Variants in SOX5 observed in about 807,000 individuals in gnomAD.
SOX5 encodes SRY-box transcription factor 5, also known as transcription factor SOX-5.
A neutral mutation model predicts 92.0 loss-of-function variants in SOX5; 9 were observed. That is an observed-to-expected ratio of 0.10 (90% CI 0.06 to 0.17). The LOEUF is 0.17. Among genes scored for constraint, SOX5 ranks in the 10% least tolerant of loss-of-function variants. SOX5 has a pLI of 1.00. For missense variants in SOX5, 642 were observed against 944.5 expected (o/e 0.68, Z 4.20); for synonymous variants, 344 against 336.3 (o/e 1.02, Z -0.25).
intron 1 of SOX5, among the ~76,000 whole-genome samples, chr12:24,390,198 C>T (rs1318355989): frequency 6.6e-6 from 1 of 152,102 alleles, no homozygotes; most frequent in East Asian, 1.9e-4. Context: ...TGTCAAGGTC[C>T]TTCCAATTAT....
chr12:24,203,142 C>A (rs911638644), intron 4 of SOX5, among the ~76,000 whole-genome samples: 1 of 152,134 alleles, frequency 6.6e-6, no homozygotes, highest in Non-Finnish European at 1.5e-5. Flanking sequence ...TCAATACTTT[C>A]TTACAACCTT....
At chr12:24,043,444 T>C (rs528086713) in intron 4 of SOX5, among the ~76,000 whole-genome samples, 1 of 152,202 alleles carries the variant, frequency 6.6e-6, no homozygotes, top group African/African-American at 2.4e-5. Flanking sequence ...ATACAATAAA[T>C]ATATATGCTA....
intron 8 of SOX5, among the ~76,000 whole-genome samples, chr12:23,609,407 CAG>C (rs1383508897): frequency 6.6e-6 from 1 of 152,140 alleles, no homozygotes; most frequent in Non-Finnish European, 1.5e-5. Context: ...CAACATTTAA[CAG>C]TGATAATGCT....
intron 2 of SOX5, among the ~76,000 whole-genome samples, chr12:24,328,108 A>T (rs1163277917): frequency 1.3e-5 from 2 of 152,220 alleles, no homozygotes; most frequent in Non-Finnish European, 2.9e-5. Context: ...ATAAAACCTA[A>T]GTCAGATTCA....
intron 4 of SOX5, among the ~76,000 whole-genome samples, chr12:24,064,313 C>T (rs1940274295): frequency 6.6e-6 from 1 of 152,168 alleles, no homozygotes; most frequent in African/African-American, 2.4e-5. Context: ...CACTGTAATG[C>T]AATACGGCAA....
chr12:23,599,066 A>G (rs867243744), intron 9 of SOX5, among the ~76,000 whole-genome samples: 14 of 152,244 alleles, frequency 9.2e-5, no homozygotes, highest in Non-Finnish European at 2.1e-4. Context: ...TTTACTTGAT[A>G]GCGTGAAACT....
rs59471227 is a variant in SOX5 at position 23,690,415 on chromosome 12, C to T, written c.811-24851G>A. On this transcript the variant is annotated intron_variant, in intron 6 of 14. Coordinates refer to ENST00000451604, the MANE Select transcript of SOX5 (RefSeq NM_006940.6). Reference sequence around the variant, plus strand: ...ATGATTTATTTTGTGGACTCTTACACGCCAGACATTGTTAGACACACATTA... The same window carrying T: ...ATGATTTATTTTGTGGACTCTTACATGCCAGACATTGTTAGACACACATTA... Among the ~76,000 whole-genome samples, 1,326 of 152,184 alleles carry T rather than the reference C, an allele frequency of 8.7e-3. 21 individuals carry two copies. The highest frequency in any genetic ancestry group is 0.03 in the African/African-American group (1,256 of 41,512).
intron 2 of SOX5, among the ~76,000 whole-genome samples, chr12:23,868,068 C>G (rs1271921390): frequency 2.0e-5 from 3 of 151,432 alleles, no homozygotes; most frequent in Non-Finnish European, 3.0e-5. Context: ...TCTCTCCCTC[C>G]CTCACTCCCT....
intron 1 of SOX5, among the ~76,000 whole-genome samples, chr12:24,405,229 C>G (rs1371746237): frequency 6.6e-6 from 1 of 152,082 alleles, no homozygotes; most frequent in Non-Finnish European, 1.5e-5. Context: ...TTATGCGGTG[C>G]CATTTTTAGG....
At chr12:24,303,071 C>G (rs1409246782) in intron 2 of SOX5, among the ~76,000 whole-genome samples, 1 of 152,032 alleles carries the variant, frequency 6.6e-6, no homozygotes, top group South Asian at 2.1e-4. Flanking sequence ...ACAAGGCTTA[C>G]AAATGAGACC....
intron 3 of SOX5, among the ~76,000 whole-genome samples, chr12:23,797,554 G>A (rs562441479): frequency 9.2e-5 from 14 of 152,034 alleles, no homozygotes; most frequent in Admixed American, 7.2e-4. Flanking sequence ...CTTAGAGTAG[G>A]TCCTAATGGA....
intron 11 of SOX5, among the ~76,000 whole-genome samples, chr12:23,556,837 T>C (rs140698668): frequency 1.3e-5 from 2 of 152,310 alleles, no homozygotes; most frequent in Admixed American, 6.5e-5. Context: ...GGAAGGAGCA[T>C]GTGTTAGATA....
intron 1 of SOX5, among the ~76,000 whole-genome samples, chr12:24,462,311 T>C (rs1324838235): frequency 6.6e-6 from 1 of 152,190 alleles, no homozygotes; most frequent in East Asian, 1.9e-4. Flanking sequence ...AAAAATATAG[T>C]ATTATAATCT....
chr12:24,409,979 C>A (rs931796303), intron 1 of SOX5, among the ~76,000 whole-genome samples: 140 of 151,236 alleles, frequency 9.3e-4, no homozygotes, highest in Middle Eastern at 6.8e-3. Flanking sequence ...TTCGTCCTTT[C>A]AATAGGATCT....
chr12:23,630,872 G>T (rs2078442413), intron 8 of SOX5, among the ~76,000 whole-genome samples: 1 of 151,924 alleles, frequency 6.6e-6, no homozygotes, highest in South Asian at 2.1e-4. Context: ...CTTCTTAAAA[G>T]ATTAATCTAA....
chr12:23,835,375 C>A (rs1261828551), intron 3 of SOX5, among the ~76,000 whole-genome samples: 2 of 151,806 alleles, frequency 1.3e-5, no homozygotes, highest in South Asian at 2.1e-4. Context: ...GCTGTGTGAT[C>A]TCAGGCATAT....
intron 4 of SOX5, among the ~76,000 whole-genome samples, chr12:24,082,840 T>A (rs1210744272): frequency 6.6e-6 from 1 of 151,978 alleles, no homozygotes; most frequent in Non-Finnish European, 1.5e-5. Flanking sequence ...ATATACTTTA[T>A]AAATTCTTCA....
intron 2 of SOX5, among the ~76,000 whole-genome samples, chr12:23,858,205 T>C (rs1338390610): frequency 2.6e-5 from 4 of 152,034 alleles, no homozygotes; most frequent in Admixed American, 2.6e-4. Flanking sequence ...AATCACTAAT[T>C]AAACTTAAGA....
rs201719026 is a variant in SOX5 at position 23,598,387 on chromosome 12, CTTTTTTTTTTTTT to C, written c.1164+5987_1164+5999del. On this transcript the variant is annotated intron_variant, in intron 9 of 14. Coordinates refer to ENST00000451604, the MANE Select transcript of SOX5 (RefSeq NM_006940.6). ...GTCTCTTTGTTGTCTTGTGCTTTAT[CTTTTTTTTTTTTT>C]TTTTTTTTTTTTTTTTGACATGGAG... Among the ~76,000 whole-genome samples, 713 of 95,170 alleles carry C rather than the reference CTTTTTTTTTTTTT, an allele frequency of 7.5e-3. 6 individuals are homozygous for C. Among genetic ancestry groups the C allele is most frequent in the African/African-American group, 0.029 (662 of 22,694 alleles). The allele number at this position is 95,170 out of a possible 152,430, so 62.4% of individuals were successfully genotyped here. A position where few individuals can be genotyped will look rare whatever the true frequency, so the allele number is the denominator to read the frequency against.
Sources: allele counts gnomAD v4.1 joint callset (sites outside exome capture counted in the v4.1 genomes callset), GRCh38; gene constraint gnomAD v4.1.1; transcripts MANE v1.5; gene names NCBI Gene and HGNC (gene_info 2026-07-23, HGNC 2026-07-21).